FHIT: variants seen among roughly 807,000 people sequenced by gnomAD.
FHIT encodes the protein bis(5'-adenosyl)-triphosphatase.
A neutral mutation model predicts 17.9 loss-of-function variants in FHIT; 19 were observed. That is an observed-to-expected ratio of 1.06 (90% CI 0.74 to 1.56). The LOEUF (loss-of-function observed/expected upper bound fraction) is 1.56, where lower values mean the gene tolerates loss of function less well. FHIT is among the 40% of genes most tolerant of loss of function. FHIT has a pLI of 0.00. For synonymous variants in FHIT, 81 were observed against 69.7 expected, an observed-to-expected ratio of 1.16 and a Z score of -0.81; for missense variants, 248 against 189.2, an observed-to-expected ratio of 1.31 and a Z score of -1.82.
chr3:60,103,868 T>C (rs9311748), intron 5 of FHIT, among the ~76,000 whole-genome samples: 118,221 of 152,176 alleles, frequency 0.78, 47,213 homozygotes, highest in East Asian at 0.98. Context: ...CCAATTTTAA[T>C]TACATGTCGC....
chr3:60,458,868 A>G (rs767634041), intron 5 of FHIT, among the ~76,000 whole-genome samples: 9 of 152,014 alleles, frequency 5.9e-5, no homozygotes, highest in Admixed American at 6.6e-5. Context: ...TTGAACTCCT[A>G]GGCTCAAGGG....
chr3:60,440,025 T>A (rs940150985), intron 5 of FHIT, among the ~76,000 whole-genome samples: 13 of 152,114 alleles, frequency 8.5e-5, no homozygotes, highest in Non-Finnish European at 1.6e-4. Context: ...CAGCTGGTCA[T>A]CCTCAGTCAC....
At chr3:60,878,022 C>T (rs1236798739) in intron 3 of FHIT, among the ~76,000 whole-genome samples, 1 of 152,062 alleles carries the variant, frequency 6.6e-6, no homozygotes, top group Non-Finnish European at 1.5e-5. Flanking sequence ...TGCCACTGAA[C>T]CCTATTGGCT....
intron 3 of FHIT, among the ~76,000 whole-genome samples, chr3:60,881,366 G>A (rs1704967904): frequency 1.3e-5 from 2 of 152,154 alleles, no homozygotes; most frequent in South Asian, 4.1e-4. Context: ...TCTCATCACT[G>A]GATAGGCCAT....
intron 2 of FHIT, among the ~76,000 whole-genome samples, chr3:61,136,279 T>G (rs1560010804): frequency 6.6e-6 from 1 of 151,390 alleles, no homozygotes. Flanking sequence ...GGTTTGTAAT[T>G]AGTTTAGGCT....
chr3:59,987,645 TTTAA>T (rs575049389), intron 7 of FHIT, among the ~76,000 whole-genome samples: 71 of 152,190 alleles, frequency 4.7e-4, no homozygotes, highest in South Asian at 4.4e-3. Context: ...CCTCTCTGCC[TTTAA>T]TTAATAAGGA....
intron 3 of FHIT, among the ~76,000 whole-genome samples, chr3:61,011,233 A>T (rs2031771367): frequency 6.6e-6 from 1 of 152,298 alleles, no homozygotes; most frequent in East Asian, 1.9e-4. Context: ...ACCTGAATAG[A>T]TTCCTATTTA....
At chr3:60,421,861 T>C (rs139081009) in intron 5 of FHIT, among the ~76,000 whole-genome samples, 2,791 of 152,204 alleles carry the variant, frequency 0.018, 50 homozygotes, top group Non-Finnish European at 0.026. Flanking sequence ...GTGATGAGTA[T>C]GGAAAATGCA....
At chr3:60,528,400 AAC>A (rs1312457583) in intron 5 of FHIT, among the ~76,000 whole-genome samples, 2 of 152,054 alleles carry the variant, frequency 1.3e-5, no homozygotes, top group Admixed American at 1.3e-4. Flanking sequence ...AGTTACCCCA[AAC>A]ACATATACAA....
intron 5 of FHIT, among the ~76,000 whole-genome samples, chr3:60,361,282 C>CA (rs1187852168): frequency 6.6e-6 from 1 of 152,062 alleles, no homozygotes; most frequent in Non-Finnish European, 1.5e-5. Flanking sequence ...TTGAACGAGA[C>CA]AAAATCTCAG....
intron 5 of FHIT, among the ~76,000 whole-genome samples, chr3:60,252,839 C>G (rs1435224644): frequency 6.8e-6 from 1 of 148,128 alleles, no homozygotes; most frequent in South Asian, 2.2e-4. Flanking sequence ...AAAAAAAATA[C>G]AAAAAAAAAT....
At chr3:60,101,368 A>C (rs1704183941) in intron 5 of FHIT, among the ~76,000 whole-genome samples, 1 of 152,156 alleles carries the variant, frequency 6.6e-6, no homozygotes, top group Non-Finnish European at 1.5e-5. Context: ...ACACCTGAGC[A>C]CTTGCTGCTC....
intron 2 of FHIT, among the ~76,000 whole-genome samples, chr3:61,135,983 T>G (rs2036903818): frequency 6.6e-6 from 1 of 152,094 alleles, no homozygotes; most frequent in African/African-American, 2.4e-5. Flanking sequence ...CATCTTTAAT[T>G]TGGAGGCTCA....
At chr3:61,192,869 T>G (rs1471717980) in intron 2 of FHIT, among the ~76,000 whole-genome samples, 3 of 152,198 alleles carry the variant, frequency 2.0e-5, no homozygotes, top group Admixed American at 6.5e-5. Flanking sequence ...ACACAAATGG[T>G]GAGGCATCAC....
At chr3:60,658,484 T>C (rs1453177954) in intron 4 of FHIT, among the ~76,000 whole-genome samples, 2 of 152,100 alleles carry the variant, frequency 1.3e-5, no homozygotes, top group Non-Finnish European at 2.9e-5. Flanking sequence ...AGGGATTATA[T>C]TTAATATCCT....
chr3:60,154,810 AT>A (rs1308426227), intron 5 of FHIT, among the ~76,000 whole-genome samples: 1 of 152,214 alleles, frequency 6.6e-6, no homozygotes, highest in African/African-American at 2.4e-5. Context: ...GTCAATTTAT[AT>A]TTAAACTATT....
At chr3:59,834,783 A>G (rs1701283186) in intron 8 of FHIT, among the ~76,000 whole-genome samples, 1 of 152,218 alleles carries the variant, frequency 6.6e-6, no homozygotes, top group South Asian at 2.1e-4. Flanking sequence ...GGACACAAAC[A>G]TTCAGTCTAT....
At chr3:60,805,698 G>A (rs952937940) in intron 4 of FHIT, among the ~76,000 whole-genome samples, 4 of 152,054 alleles carry the variant, frequency 2.6e-5, no homozygotes, top group Non-Finnish European at 4.4e-5. Flanking sequence ...TGGGACTACA[G>A]GCACCCACCA....
chr3:60,027,129 ACACACAC>A (rs1700775709), intron 5 of FHIT, among the ~76,000 whole-genome samples: 1 of 131,274 alleles, frequency 7.6e-6, no homozygotes, highest in Admixed American at 7.3e-5. Context: ...ACACACACAC[ACACACAC>A]ACACACACAC....
Sources: allele counts gnomAD v4.1 joint callset (sites outside exome capture counted in the v4.1 genomes callset), GRCh38; gene constraint gnomAD v4.1.1; transcripts MANE v1.5; gene names NCBI Gene and HGNC (gene_info 2026-07-23, HGNC 2026-07-21).